The following CACNG7 variants were observed in gnomAD, a reference collection of about 807,000 sequenced individuals.
The protein encoded by CACNG7 is voltage-dependent calcium channel gamma-7 subunit.
A neutral mutation model predicts 26.3 loss-of-function variants in CACNG7; 9 were observed. The ratio of observed to expected loss-of-function variants is 0.34; its 90% CI spans 0.21 to 0.60. CACNG7 has a LOEUF of 0.60. CACNG7 is among the 20% of genes least tolerant of loss of function. The probability of loss-of-function intolerance (pLI) is 0.81; values close to 1 mark genes in which losing one functional copy is unlikely to be tolerated. For missense variants in CACNG7, 297 were observed against 380.4 expected (o/e 0.78, Z 1.82); for synonymous variants, 170 against 157.0 (o/e 1.08, Z -0.62).
intron 4 of CACNG7, among the ~76,000 whole-genome samples, chr19:53,929,111 CAAAAAAAAAACAAAAA>C (rs2069053909): frequency 2.7e-5 from 1 of 36,460 alleles, no homozygotes; most frequent in African/African-American, 1.3e-4. Context: ...GACTCCACCT[CAAAAAAAAAACAAAAA>C]AAAAAAAAAA....
chr19:53,937,766 T>C (rs1353213169), intron 4 of CACNG7, among the ~76,000 whole-genome samples: 1 of 152,080 alleles, frequency 6.6e-6, no homozygotes, highest in Non-Finnish European at 1.5e-5. Context: ...AATTTTTGTA[T>C]TTTTAGTAGA....
chr19:53,921,634 TC>T (rs1341262578), intron 4 of CACNG7, among the ~76,000 whole-genome samples: 2 of 44,608 alleles, frequency 4.5e-5, no homozygotes, highest in Non-Finnish European at 7.0e-5. Context: ...GGTGGAGTCG[TC>T]CCCAGGTCTG....
intron 4 of CACNG7, among the ~76,000 whole-genome samples, chr19:53,924,631 C>G (rs575450343): frequency 5.4e-5 from 8 of 148,042 alleles, no homozygotes; most frequent in African/African-American, 2.0e-4. Context: ...GTGGACTTGC[C>G]CCAGGCTGGT....
At chr19:53,910,634 C>T (rs2068856456) in intron 1 of CACNG7, among the ~76,000 whole-genome samples, 1 of 152,072 alleles carries the variant, frequency 6.6e-6, no homozygotes, top group South Asian at 2.1e-4. Flanking sequence ...TTGAGACCCC[C>T]AAATCACGGG....
At chr19:53,917,590 C>T (rs1035107931) in intron 4 of CACNG7, among the ~76,000 whole-genome samples, 2 of 152,172 alleles carry the variant, frequency 1.3e-5, no homozygotes, top group East Asian at 3.8e-4. Flanking sequence ...TCCGTGCAAA[C>T]TTGAATCACA....
intron 4 of CACNG7, among the ~76,000 whole-genome samples, chr19:53,925,935 C>T (rs956349415): frequency 2.0e-5 from 3 of 152,156 alleles, no homozygotes; most frequent in East Asian, 1.9e-4. Context: ...GGAAGCTAGA[C>T]GGGCATTGGT....
chr19:53,932,003 C>A (rs1353757831), intron 4 of CACNG7, among the ~76,000 whole-genome samples: 1 of 151,002 alleles, frequency 6.6e-6, no homozygotes, highest in African/African-American at 2.4e-5. Context: ...CCTCGTGATC[C>A]GCCTGCCTCA....
chr19:53,926,817 G>A (rs1373131823), intron 4 of CACNG7, among the ~76,000 whole-genome samples: 1 of 152,166 alleles, frequency 6.6e-6, no homozygotes, highest in Non-Finnish European at 1.5e-5. Context: ...GGAGGCTGAG[G>A]CAGGAGAATC....
At chr19:53,924,470 T>G (rs982367564) in intron 4 of CACNG7, among the ~76,000 whole-genome samples, 7 of 147,062 alleles carry the variant, frequency 4.8e-5, no homozygotes, top group African/African-American at 1.8e-4. Context: ...ATTGGTGGAG[T>G]TGTCCGAGGT....
rs1298042322 is a variant in CACNG7 at position 53,924,443 on chromosome 19, T to C, written c.424+8938T>C. 7.6e-4 allele frequency among the ~76,000 whole-genome samples: 113 copies of C among 148,058 alleles called. 1 individual carries two copies. Among genetic ancestry groups the C allele is most frequent in the African/African-American group, 2.7e-3 (107 of 39,478 alleles). ...GCCCCAGGTCTGGTCATTGGTGGAG[T>C]TGTCCCAGGTCTGGTCATTGGTGGA... On this transcript the variant is annotated intron_variant, in intron 4 of 5. Transcript: ENST00000391767.
In CACNG7 at chr19:53,939,858, A is replaced by G. The variant is rs192667068; in HGVS notation, c.425-1612A>G. On this transcript the variant is annotated intron_variant, in intron 4 of 5. Transcript: ENST00000391767. The surrounding 1 kb of genome is among the most constrained non-coding windows in gnomAD (Gnocchi z 4.2). Reference sequence around the variant, plus strand: ...ACTTTTTGAGGCGCTGCCAAATGAAATTCATATACTTTTTATGTGCCACAA... The same window carrying G: ...ACTTTTTGAGGCGCTGCCAAATGAAGTTCATATACTTTTTATGTGCCACAA... Among the ~76,000 whole-genome samples, 1 of 152,292 alleles carries G rather than the reference A, an allele frequency of 6.6e-6. No homozygotes were observed. Among genetic ancestry groups the G allele is most frequent in the Admixed American group, 6.5e-5 (1 of 15,284 alleles).
At chr19:53,933,918 T>C (rs1474813187) in intron 4 of CACNG7, among the ~76,000 whole-genome samples, 2 of 151,906 alleles carry the variant, frequency 1.3e-5, no homozygotes, top group Non-Finnish European at 2.9e-5. Flanking sequence ...TTATTTTTGA[T>C]ACAGAGTCTC....
In CACNG7 at chr19:53,909,692, C is replaced by T. The variant is rs1422833322; in HGVS notation, c.-30+175C>T. On this transcript the variant is annotated intron_variant, in intron 1 of 5. Transcript: ENST00000391767. The surrounding 1 kb of genome is among the most constrained non-coding windows in gnomAD (Gnocchi z 5.1). ...TGCAGGGACACCTGGGCCTGGCGAT[C>T]CCGGAGGACGGGGTCCGAGGGTCCC... Among the ~76,000 whole-genome samples, 4 of 152,152 alleles carry T rather than the reference C, an allele frequency of 2.6e-5. No individual in the cohort carries two copies. The highest frequency in any genetic ancestry group is 9.7e-5 in the African/African-American group (4 of 41,448).
intron 4 of CACNG7, among the ~76,000 whole-genome samples, chr19:53,938,246 T>G (rs307916): frequency 0.88 from 133,207 of 152,074 alleles, 58,577 homozygotes; most frequent in East Asian, 0.97. Flanking sequence ...TACTCATGAG[T>G]CTGAGGTGTG....
Position 53,922,404 on chromosome 19 carries a change from G to C in CACNG7, c.424+6899G>C, listed in dbSNP as rs542534519. Among the ~76,000 whole-genome samples the C allele has an allele frequency of 1.0e-3, 130 of 125,194 alleles. 3 individuals carry two copies. Among genetic ancestry groups the C allele is most frequent in the Non-Finnish European group, 1.6e-3 (96 of 59,594 alleles). The allele number at this position is 125,194 out of a possible 152,430, so 82.1% of individuals were successfully genotyped here. ...CATTGGTGGAGTTGTCCCCAGGCCT[G>C]GTCATTGGTGGAGTTGTCCCAGGTC... On this transcript the variant is annotated intron_variant, in intron 4 of 5. Transcript: ENST00000391767.
chr19:53,923,694 G>T (rs1247159831), intron 4 of CACNG7, among the ~76,000 whole-genome samples: 1 of 145,952 alleles, frequency 6.9e-6, no homozygotes, highest in Non-Finnish European at 1.5e-5. Context: ...CCCAGGCCTG[G>T]TCATTGGTGG....
In CACNG7 at chr19:53,933,937, A is replaced by AC. The variant is rs1265371869; in HGVS notation, c.425-7530dup. ...TTTTGATACAGAGTCTCGCTTTGTC[A>AC]CCCAGGCTGGAGTGCAATGGCGCAA... On this transcript the variant is annotated intron_variant, in intron 4 of 5. Transcript: ENST00000391767. Among the ~76,000 whole-genome samples the AC allele has an allele frequency of 3.3e-5, 5 of 151,892 alleles. No homozygotes were observed. The East Asian group carries it at 7.8e-4, about 24-fold the overall frequency.
intron 4 of CACNG7, among the ~76,000 whole-genome samples, chr19:53,922,218 G>C (rs2068964795): frequency 8.5e-6 from 1 of 117,960 alleles, no homozygotes; most frequent in Admixed American, 8.0e-5. Flanking sequence ...TCTGGTATTG[G>C]TGGAGTTGTC....
At chr19:53,923,955 C>G in intron 4 of CACNG7, among the ~76,000 whole-genome samples, 1 of 141,418 alleles carries the variant, frequency 7.1e-6, no homozygotes, top group Non-Finnish European at 1.5e-5. Flanking sequence ...TGGAGTTGTC[C>G]CCAGGTCTGG....
Sources: gnomAD v4.1 joint callset for allele counts (sites outside exome capture counted in the v4.1 genomes callset) on GRCh38, gnomAD v4.1.1 for gene constraint, Gnocchi (gnomAD v3.1) non-coding constraint, MANE v1.5 for transcripts, NCBI Gene and HGNC (gene_info 2026-07-23, HGNC 2026-07-21) for gene names.